The following PRKG1 variants were observed in gnomAD, a reference collection of about 807,000 sequenced individuals.
PRKG1 encodes protein kinase cGMP-dependent 1, also known as cGMP-dependent protein kinase 1.
A neutral mutation model predicts 88.1 loss-of-function variants in PRKG1; 35 were observed. That is an observed-to-expected ratio of 0.40 (90% CI 0.30 to 0.53). The LOEUF (loss-of-function observed/expected upper bound fraction) is 0.53. PRKG1 is among the 20% of genes least tolerant of loss of function. PRKG1 has a pLI of 0.59. For missense variants in PRKG1, 540 were observed against 839.8 expected (o/e 0.64, Z 4.41); for synonymous variants, 303 against 292.5 (o/e 1.04, Z -0.37).
chr10:52,081,517 T>G (rs1846774602), intron 7 of PRKG1: 4 of 449,084 alleles, frequency 8.9e-6, no homozygotes, highest in South Asian at 6.3e-5. Context: ...TCAATTAAGG[T>G]AGGAATTCTA....
chr10:51,050,227 T>C (rs1843544512), intron 1 of PRKG1, among the ~76,000 whole-genome samples: 1 of 151,956 alleles, frequency 6.6e-6, no homozygotes, highest in African/African-American at 2.4e-5. Context: ...TTCAGTATTG[T>C]TTACTATAGG....
chr10:51,503,954 A>G (rs555157310), intron 3 of PRKG1, among the ~76,000 whole-genome samples: 2 of 152,148 alleles, frequency 1.3e-5, no homozygotes, highest in Non-Finnish European at 2.9e-5. Context: ...ATGTTTACCA[A>G]AAATATTGCT....
intron 5 of PRKG1, among the ~76,000 whole-genome samples, chr10:51,995,793 T>C (rs1844424462): frequency 1.3e-5 from 2 of 152,156 alleles, no homozygotes; most frequent in African/African-American, 4.8e-5. Context: ...CTTGCAGTGC[T>C]GATATGAAGC....
intron 3 of PRKG1, among the ~76,000 whole-genome samples, chr10:51,481,446 G>A (rs12770657): frequency 0.42 from 64,202 of 151,832 alleles, 15,403 homozygotes; most frequent in East Asian, 0.89. Flanking sequence ...ACAAGGTTTC[G>A]CCATGTTGGC....
intron 10 of PRKG1, among the ~76,000 whole-genome samples, chr10:52,270,586 T>A (rs1841697685): frequency 1.3e-5 from 2 of 151,932 alleles, no homozygotes; most frequent in Non-Finnish European, 2.9e-5. Flanking sequence ...TGGATGAAGC[T>A]GGAAACCATC....
chr10:51,231,679 C>T (rs1313326808), intron 2 of PRKG1, among the ~76,000 whole-genome samples: 2 of 151,988 alleles, frequency 1.3e-5, no homozygotes, highest in Non-Finnish European at 2.9e-5. Flanking sequence ...GAGCTCAGAC[C>T]ATTCTGGAAT....
chr10:51,872,239 G>A (rs1564686523), intron 4 of PRKG1, among the ~76,000 whole-genome samples: 1 of 152,142 alleles, frequency 6.6e-6, no homozygotes, highest in Non-Finnish European at 1.5e-5. Flanking sequence ...CTTAGCTGTC[G>A]TATGACTTGT....
chr10:51,447,544 C>A (rs529424007), intron 2 of PRKG1, among the ~76,000 whole-genome samples: 1 of 152,146 alleles, frequency 6.6e-6, no homozygotes, highest in South Asian at 2.1e-4. Context: ...TAAAACCTCC[C>A]ACTGCTACAT....
At chr10:51,619,702 A>G (rs1294569591) in intron 3 of PRKG1, among the ~76,000 whole-genome samples, 2 of 152,188 alleles carry the variant, frequency 1.3e-5, no homozygotes, top group Admixed American at 6.5e-5. Context: ...AGCCATTTAC[A>G]TATCTCTCCA....
chr10:51,003,165 A>AAAC lies in PRKG1; in HGVS notation c.266+11565_266+11567dup, dbSNP rs67761270. The stretch of plus-strand genomic sequence containing the variant: ...ATGCTTTCTCGTGTCTGCAGGGCCA[A>AAAC]AACAACAACAACAACAACAACAACA... On this transcript the variant is annotated intron_variant, in intron 1 of 17. Coordinates refer to the PRKG1 transcript ENST00000401604. Among the ~76,000 whole-genome samples the AAAC allele has an allele frequency of 3.9e-3, 583 of 151,068 alleles. 1 individual carries two copies. Among genetic ancestry groups the AAAC allele is most frequent in the Middle Eastern group, 0.014 (4 of 292 alleles).
intron 1 of PRKG1, among the ~76,000 whole-genome samples, chr10:51,031,290 T>C (rs1231058292): frequency 1.3e-5 from 2 of 152,164 alleles, no homozygotes. Flanking sequence ...GTTTGCAAAG[T>C]AGGTCAAGCT....
chr10:52,198,825 T>TGA lies in PRKG1; in HGVS notation c.1076+36863_1076+36864insAG, dbSNP rs1839581636. Among the ~76,000 whole-genome samples, 2 of 151,630 alleles carry TGA rather than the reference T, an allele frequency of 1.3e-5. 1 individual carries two copies. Among genetic ancestry groups the TGA allele is most frequent in the Admixed American group, 1.3e-4 (2 of 15,200 alleles). ...CTTTTGGGGTGTGAGTGTGTGTGTG[T>TGA]GTGTGTGTGCATGTGTGTGTAAGCT... On this transcript the variant is annotated intron_variant, in intron 9 of 17. Coordinates refer to ENST00000373980, the MANE Select transcript of PRKG1 (RefSeq NM_006258.4).
At chr10:51,888,540 C>A (rs994843350) in intron 4 of PRKG1, among the ~76,000 whole-genome samples, 1 of 152,212 alleles carries the variant, frequency 6.6e-6, no homozygotes, top group East Asian at 1.9e-4. Flanking sequence ...CACAGCTTCA[C>A]TTTTTGAAAG....
Position 52,025,784 on chromosome 10 carries a change from T to G in PRKG1, c.763-28700T>G, listed in dbSNP as rs142127465. 3.9e-3 allele frequency among the ~76,000 whole-genome samples: 600 copies of G among 151,932 alleles called. 2 individuals carry two copies. The highest frequency in any genetic ancestry group is 0.013 in the African/African-American group (549 of 41,480). Reference sequence around the variant, plus strand: ...GTGATGCCTCCAGCTTAGGATTGTATTGGCAATGCGGGCTCTTTTTTGATT... The same window carrying G: ...GTGATGCCTCCAGCTTAGGATTGTAGTGGCAATGCGGGCTCTTTTTTGATT... On this transcript the variant is annotated intron_variant, in intron 5 of 17. Transcript: ENST00000373980.
At chr10:51,699,654 G>A (rs1017026630) in intron 3 of PRKG1, 1 of 1,309,796 alleles carries the variant, frequency 7.6e-7, no homozygotes, top group African/African-American at 1.5e-5. Flanking sequence ...GATCCGGGCA[G>A]AAACTTTACT....
intron 3 of PRKG1, among the ~76,000 whole-genome samples, chr10:51,579,757 T>A (rs539467254): frequency 5.3e-5 from 8 of 152,258 alleles, no homozygotes; most frequent in Middle Eastern, 3.4e-3. Context: ...AATGTTGATA[T>A]TTGTGTCAAT....
chr10:51,716,286 AC>A (rs1841884066), intron 3 of PRKG1, among the ~76,000 whole-genome samples: 1 of 152,016 alleles, frequency 6.6e-6, no homozygotes, highest in South Asian at 2.1e-4. Flanking sequence ...ACAGTCCGTC[AC>A]CCCTGTTTTT....
chr10:51,926,140 G>C (rs1372569009), intron 5 of PRKG1, among the ~76,000 whole-genome samples: 1 of 152,112 alleles, frequency 6.6e-6, no homozygotes, highest in Admixed American at 6.6e-5. Flanking sequence ...AATTATTTCT[G>C]TATGAAATAA....
At chr10:51,629,951 T>G (rs925936675) in intron 3 of PRKG1, among the ~76,000 whole-genome samples, 1 of 152,194 alleles carries the variant, frequency 6.6e-6, no homozygotes, top group Admixed American at 6.5e-5. Context: ...ATCGCCCCCA[T>G]AATTCCAGTT....
Sources: gnomAD v4.1 joint callset for allele counts (sites outside exome capture counted in the v4.1 genomes callset) on GRCh38, gnomAD v4.1.1 for gene constraint, MANE v1.5 for transcripts, NCBI Gene and HGNC (gene_info 2026-07-23, HGNC 2026-07-21) for gene names.